CDH13: variants seen among roughly 807,000 people sequenced by gnomAD.
CDH13 encodes cadherin-13.
CDH13 carries 24 observed loss-of-function variants against 63.8 expected under a neutral mutation model. The observed-to-expected ratio is 0.38, with a 90% CI of 0.27 to 0.53. The LOEUF is 0.53. CDH13 is among the 20% of genes least tolerant of loss of function. The pLI is 0.85. For missense variants in CDH13, 1,049 were observed against 903.1 expected, an observed-to-expected ratio of 1.16 and a Z score of -2.07; for synonymous variants, 503 against 355.3, an observed-to-expected ratio of 1.42 and a Z score of -4.67.
At chr16:83,062,054 TG>T (rs556767025) in intron 3 of CDH13, among the ~76,000 whole-genome samples, 117 of 152,330 alleles carry the variant, frequency 7.7e-4, no homozygotes, top group Non-Finnish European at 1.5e-3. Context: ...GCTATCAGGA[TG>T]GCTGAGGCTT....
chr16:83,492,451 C>G (rs2130157), intron 7 of CDH13, among the ~76,000 whole-genome samples: 79,741 of 151,972 alleles, frequency 0.52, 21,351 homozygotes, highest in East Asian at 0.87. Context: ...ACAATTTCTT[C>G]GAGCTATTTA....
At chr16:83,689,063 C>G (rs142582678) in intron 10 of CDH13, among the ~76,000 whole-genome samples, 1 of 152,114 alleles carries the variant, frequency 6.6e-6, no homozygotes, top group Non-Finnish European at 1.5e-5. Flanking sequence ...TTTTACAAAT[C>G]GACCACCTTT....
intron 4 of CDH13, among the ~76,000 whole-genome samples, chr16:83,191,911 G>T (rs942131301): frequency 1.3e-5 from 2 of 151,902 alleles, no homozygotes; most frequent in Admixed American, 6.6e-5. Context: ...ACACACCCAG[G>T]ATCAATACTT....
At chr16:83,777,413 T>C (rs906698826) in intron 11 of CDH13, among the ~76,000 whole-genome samples, 1 of 152,222 alleles carries the variant, frequency 6.6e-6, no homozygotes, top group Non-Finnish European at 1.5e-5. Flanking sequence ...GACCTGCAGC[T>C]GCGCTGAGTC....
chr16:83,148,907 G>T (rs1462178411), intron 4 of CDH13, among the ~76,000 whole-genome samples: 2 of 152,026 alleles, frequency 1.3e-5, no homozygotes, highest in Non-Finnish European at 2.9e-5. Context: ...AGCAATAGTA[G>T]CCTAAAGAAA....
intron 6 of CDH13, among the ~76,000 whole-genome samples, chr16:83,471,823 C>T (rs1336604297): frequency 2.0e-5 from 3 of 152,154 alleles, no homozygotes; most frequent in Non-Finnish European, 4.4e-5. Context: ...TTTTAATTAC[C>T]TCTTGAGTCT....
chr16:83,040,592 C>A (rs1917246450), intron 3 of CDH13, among the ~76,000 whole-genome samples: 1 of 152,276 alleles, frequency 6.6e-6, no homozygotes, highest in South Asian at 2.1e-4. Flanking sequence ...TCTTTCCATG[C>A]CTGGTTTTAT....
intron 4 of CDH13, among the ~76,000 whole-genome samples, chr16:83,173,889 C>G (rs779242054): frequency 2.5e-4 from 38 of 152,228 alleles, no homozygotes; most frequent in Non-Finnish European, 4.9e-4. Flanking sequence ...TGCTTCCTGT[C>G]TCTTATGACT....
chr16:82,824,501 C>A (rs1455894520), intron 1 of CDH13: 1 of 152,112 alleles, frequency 6.6e-6, no homozygotes, highest in Admixed American at 6.6e-5. Flanking sequence ...AAAAGAAAGA[C>A]CATATGACAT....
intron 2 of CDH13, among the ~76,000 whole-genome samples, chr16:83,007,383 T>C (rs545073119): frequency 8.5e-5 from 13 of 152,316 alleles, no homozygotes; most frequent in African/African-American, 3.1e-4. Flanking sequence ...GTGAGGAAAC[T>C]ATGGTTCAAA....
chr16:83,481,834 A>G (rs1415879630), intron 6 of CDH13, among the ~76,000 whole-genome samples: 1 of 152,194 alleles, frequency 6.6e-6, no homozygotes, highest in Non-Finnish European at 1.5e-5. Flanking sequence ...CTGTCATATA[A>G]TTACCCTTTC....
chr16:82,667,612 A>T (rs1163028491), intron 1 of CDH13, among the ~76,000 whole-genome samples: 1 of 152,158 alleles, frequency 6.6e-6, no homozygotes, highest in Non-Finnish European at 1.5e-5. Context: ...GTCTGATGTC[A>T]CGTTGCCCCT....
chr16:82,641,965 C>T (rs142232192), intron 1 of CDH13, among the ~76,000 whole-genome samples: 41 of 152,216 alleles, frequency 2.7e-4, no homozygotes, highest in African/African-American at 6.3e-4. Context: ...CGCTTGCCTT[C>T]GCTGTTGGCT....
rs1268090070 is a variant in CDH13, at chr16:82,728,973, T to C, written c.45+101836T>C. ...GAATCCATCTCAAGAAACCACTTTC[T>C]TGGCTCATCTATAAGAAGCAACTCC... On this transcript the variant is annotated intron_variant, in intron 1 of 13. Transcript: ENST00000567109. Among the ~76,000 whole-genome samples the C allele has an allele frequency of 1.3e-5, 2 of 152,214 alleles. 1 individual carries two copies. Among genetic ancestry groups the C allele is most frequent in the Admixed American group, 1.3e-4 (2 of 15,268 alleles).
chr16:83,496,912 G>T lies in CDH13; in HGVS notation c.960+10257G>T, dbSNP rs561331499. Among the ~76,000 whole-genome samples, 4 of 152,324 alleles carry T rather than the reference G, an allele frequency of 2.6e-5. No homozygotes were observed. In the South Asian group the frequency reaches 8.3e-4, roughly 32 times the overall value. ...GCAGCCAAAAAACACATGAAAAAAT[G>T]CTCATCATCACTGGCCATCAGAGAA... On this transcript the variant is annotated intron_variant, in intron 7 of 13. Transcript: ENST00000567109.
intron 10 of CDH13, among the ~76,000 whole-genome samples, chr16:83,723,624 C>G (rs988970215): frequency 3.9e-5 from 6 of 152,224 alleles, no homozygotes; most frequent in African/African-American, 1.4e-4. Flanking sequence ...TGGTCACTCC[C>G]TGTACTGTTG....
chr16:82,833,225 T>G (rs887631986), intron 1 of CDH13, among the ~76,000 whole-genome samples: 2 of 152,218 alleles, frequency 1.3e-5, no homozygotes, highest in South Asian at 4.1e-4. Flanking sequence ...GTTCATACCA[T>G]GAATAATTGT....
At chr16:83,350,435 T>G (rs1158567729) in intron 6 of CDH13, among the ~76,000 whole-genome samples, 1 of 152,248 alleles carries the variant, frequency 6.6e-6, no homozygotes, top group Non-Finnish European at 1.5e-5. Context: ...TGCTTAGGCA[T>G]GTCTGATCCT....
At chr16:82,961,586 A>AAC (rs1262083488) in intron 2 of CDH13, among the ~76,000 whole-genome samples, 1 of 151,628 alleles carries the variant, frequency 6.6e-6, no homozygotes, top group East Asian at 1.9e-4. Context: ...AAAAAAAAAA[A>AAC]AAAAAAAAAA....
Sources: allele counts gnomAD v4.1 joint callset (sites outside exome capture counted in the v4.1 genomes callset), GRCh38; gene constraint gnomAD v4.1.1; transcripts MANE v1.5; gene names NCBI Gene and HGNC (gene_info 2026-07-23, HGNC 2026-07-21).